The following OLFM3 variants were observed in gnomAD, a reference collection of about 807,000 sequenced individuals.
OLFM3 encodes the protein noelin-3.
In OLFM3, 20 loss-of-function variants were observed where a neutral mutation model predicts 48.6. The ratio of observed to expected loss-of-function variants is 0.41; its 90% CI spans 0.29 to 0.60. The LOEUF is 0.60. Among genes scored for constraint, OLFM3 ranks in the 20% least tolerant of loss-of-function variants. OLFM3 has a pLI of 0.28. For missense variants in OLFM3, 437 were observed against 544.3 expected (o/e 0.80, Z 1.96); for synonymous variants, 222 against 198.1 (o/e 1.12, Z -1.01).
intron 1 of OLFM3, among the ~76,000 whole-genome samples, chr1:101,849,446 G>A (rs1320100708): frequency 2.6e-5 from 4 of 152,174 alleles, no homozygotes; most frequent in Non-Finnish European, 5.9e-5. Context: ...GGAAATGCTG[G>A]CTGTGACCAG....
intron 1 of OLFM3, among the ~76,000 whole-genome samples, chr1:101,984,172 G>T (rs2101112365): frequency 6.8e-6 from 1 of 147,392 alleles, no homozygotes; most frequent in East Asian, 2.0e-4. Context: ...CTGGGAGGCA[G>T]AGGTTGCAGT....
chr1:101,825,983 C>G (rs1387331000), intron 3 of OLFM3, among the ~76,000 whole-genome samples: 4 of 152,060 alleles, frequency 2.6e-5, no homozygotes, highest in African/African-American at 9.7e-5. Flanking sequence ...TTTATCTTAC[C>G]ATAGATAATT....
rs567265694 is a variant in OLFM3, at chr1:101,840,653, T to C, written c.70-3628A>G. 2.0e-4 allele frequency among the ~76,000 whole-genome samples: 31 copies of C among 152,204 alleles called. No homozygotes were observed. In the Middle Eastern group the frequency reaches 0.01, roughly 50 times the overall value. ...GCCCAGTTAATTTTTGTATCTTTTT[T>C]GGTGATGGGGTTTTACCATGTTGCT... On this transcript the variant is annotated intron_variant, in intron 1 of 5. Transcript: ENST00000370103.
chr1:101,973,773 G>A (rs11164354), intron 1 of OLFM3, among the ~76,000 whole-genome samples: 30,989 of 152,084 alleles, frequency 0.2, 4,047 homozygotes, highest in Middle Eastern at 0.32. Context: ...GCCTATAGTA[G>A]AAAGTATCAA....
In OLFM3 at chr1:101,885,192, G is replaced by A. The variant is rs374763156; in HGVS notation, c.70-48167C>T. Among the ~76,000 whole-genome samples, 7 of 152,078 alleles carry A rather than the reference G, an allele frequency of 4.6e-5. No homozygotes were observed. In the East Asian group the frequency reaches 5.8e-4, roughly 13 times the overall value. On this transcript the variant is annotated intron_variant, in intron 1 of 5. Transcript: ENST00000370103. Reference sequence around the variant, plus strand: ...TGTGGATATGGCAAAAAAAGGTGGCGAATAAAGGGTTTTCAGATATAGATT... The same window carrying A: ...TGTGGATATGGCAAAAAAAGGTGGCAAATAAAGGGTTTTCAGATATAGATT...
At chr1:101,821,621 C>A (rs1423560038) in intron 4 of OLFM3, among the ~76,000 whole-genome samples, 1 of 151,914 alleles carries the variant, frequency 6.6e-6, no homozygotes, top group East Asian at 1.9e-4. Flanking sequence ...TAAAAACTAA[C>A]CAGTTATTGA....
intron 1 of OLFM3, among the ~76,000 whole-genome samples, chr1:101,843,524 G>T (rs572264621): frequency 6.6e-6 from 1 of 152,070 alleles, no homozygotes; most frequent in South Asian, 2.1e-4. Flanking sequence ...ATTGGAAGGG[G>T]AATAAAAAAG....
intron 1 of OLFM3, among the ~76,000 whole-genome samples, chr1:101,949,774 C>T (rs1407695468): frequency 6.6e-6 from 1 of 151,600 alleles, no homozygotes; most frequent in Non-Finnish European, 1.5e-5. Flanking sequence ...ACTAAAAATA[C>T]AAAAAATCAG....
intron 4 of OLFM3, among the ~76,000 whole-genome samples, chr1:101,818,418 A>ATT: frequency 6.6e-6 from 1 of 152,296 alleles, no homozygotes; most frequent in African/African-American, 2.4e-5. Context: ...TAAAATGCAT[A>ATT]GCAATGGAGA....
chr1:101,830,881 A>G, intron 2 of OLFM3, 54 bp from the exon 3 acceptor site: 1 of 1,530,570 alleles, frequency 6.5e-7, no homozygotes, highest in African/African-American at 1.4e-5. Flanking sequence ...GGTTTGTGCA[A>G]TCACTAAGAA....
At chr1:101,851,104 G>C (rs2100948406) in intron 1 of OLFM3, among the ~76,000 whole-genome samples, 1 of 152,272 alleles carries the variant, frequency 6.6e-6, no homozygotes, top group East Asian at 1.9e-4. Flanking sequence ...GAGTACTTGT[G>C]TTGAAATCAC....
chr1:101,945,410 A>G (rs186563039), intron 1 of OLFM3, among the ~76,000 whole-genome samples: 268 of 152,322 alleles, frequency 1.8e-3, no homozygotes, highest in Non-Finnish European at 3.0e-3. Context: ...CATAAAGAGT[A>G]TATATGGTAT....
chr1:101,866,354 C>A (rs1205674517), intron 1 of OLFM3, among the ~76,000 whole-genome samples: 1 of 151,560 alleles, frequency 6.6e-6, no homozygotes. Context: ...TTAATTTTAC[C>A]AAAATAAAAT....
intron 1 of OLFM3, among the ~76,000 whole-genome samples, chr1:101,886,616 G>A (rs1657772259): frequency 6.6e-6 from 1 of 152,034 alleles, no homozygotes. Flanking sequence ...ACACGTGAGT[G>A]GGGACACTAG....
At chr1:101,909,626 A>G (rs1281458933) in intron 1 of OLFM3, among the ~76,000 whole-genome samples, 5 of 152,212 alleles carry the variant, frequency 3.3e-5, no homozygotes, top group African/African-American at 9.7e-5. Flanking sequence ...TCTGCATATA[A>G]GTGTGAGCAT....
At chr1:101,952,103 T>G (rs1660160921) in intron 1 of OLFM3, among the ~76,000 whole-genome samples, 1 of 152,144 alleles carries the variant, frequency 6.6e-6, no homozygotes, top group African/African-American at 2.4e-5. Flanking sequence ...TTATTAACTG[T>G]ACCCTGGCTT....
intron 1 of OLFM3, among the ~76,000 whole-genome samples, chr1:101,917,250 G>A (rs183141887): frequency 6.6e-6 from 1 of 152,158 alleles, no homozygotes; most frequent in African/African-American, 2.4e-5. Context: ...TGCAATGAAA[G>A]GTTGAAATAA....
intron 1 of OLFM3, among the ~76,000 whole-genome samples, chr1:101,944,265 C>A (rs997894930): frequency 3.9e-5 from 6 of 151,956 alleles, no homozygotes; most frequent in Non-Finnish European, 7.4e-5. Context: ...GGTCAAGTTA[C>A]CACAGACCAG....
intron 1 of OLFM3, among the ~76,000 whole-genome samples, chr1:101,840,608 C>T (rs534763426): frequency 4.3e-4 from 66 of 152,056 alleles, no homozygotes; most frequent in Non-Finnish European, 8.2e-4. Flanking sequence ...GTAGCTGAGA[C>T]TGTAGGCACA....
Sources: gnomAD v4.1 joint callset for allele counts (sites outside exome capture counted in the v4.1 genomes callset) on GRCh38, gnomAD v4.1.1 for gene constraint, MANE v1.5 for transcripts, NCBI Gene and HGNC (gene_info 2026-07-23, HGNC 2026-07-21) for gene names.